The following ALMS1 variants were observed in gnomAD, a reference collection of about 807,000 sequenced individuals.
ALMS1 encodes ALMS1 centrosome and basal body associated protein.
Under a neutral mutation model 352.2 loss-of-function variants are expected in ALMS1, and 271 were observed. The ratio of observed to expected loss-of-function variants is 0.77; its 90% CI spans 0.70 to 0.85. The LOEUF (loss-of-function observed/expected upper bound fraction) is 0.85, where lower values mean the gene tolerates loss of function less well. Among genes scored for constraint, ALMS1 ranks in the 40% least tolerant of loss-of-function variants. The pLI is 0.00. For missense variants in ALMS1, 5,445 were observed against 4,870.7 expected (o/e 1.12, Z -3.51); for synonymous variants, 1,865 against 1,761.2 (o/e 1.06, Z -1.48).
intron 11 of ALMS1, among the ~76,000 whole-genome samples, chr2:73,531,576 A>G (rs560407364): frequency 9.2e-5 from 14 of 152,228 alleles, no homozygotes; most frequent in Middle Eastern, 3.4e-3. Context: ...GCCTGTTCCA[A>G]TCTCTGCCTG....
intron 9 of ALMS1, among the ~76,000 whole-genome samples, chr2:73,485,550 A>C (rs1023358264): frequency 2.6e-5 from 4 of 152,260 alleles, no homozygotes; most frequent in Admixed American, 2.0e-4. Flanking sequence ...CTTCCTCCAG[A>C]GATGTAGCCT....
In ALMS1 at chr2:73,455,187, A is replaced by C; in HGVS notation, c.7566A>C (p.Ala2522=). Residue 2522 remains alanine (A), a synonymous_variant, in exon 9 of 23, where the codon GCA becomes GCC. Transcript: ENST00000613296. The part of the protein sequence containing the change: ...AHAWNMKFNL[A]HDCGYSISEL... ...CCTGGAATATGAAGTTCAATTTAGC[A>C]CATGATTGTGGATACTCCATTTCAG... 2 of 1,613,300 alleles carry C rather than the reference A, an allele frequency of 1.2e-6. No individual in the cohort carries two copies. The highest frequency in any genetic ancestry group is 1.7e-6 in the Non-Finnish European group (2 of 1,179,730).
chr2:73,519,648 A>T (rs1386682950), intron 10 of ALMS1, 127 bp from the exon 11 acceptor site: 4 of 1,222,698 alleles, frequency 3.3e-6, no homozygotes, highest in Non-Finnish European at 4.6e-6. Context: ...ATAACGTTTG[A>T]CATTGATGTG....
At chr2:73,402,270 CTTTTTT>C (rs61360284) in intron 1 of ALMS1, among the ~76,000 whole-genome samples, 1 of 122,832 alleles carries the variant, frequency 8.1e-6, no homozygotes, top group Non-Finnish European at 1.7e-5. Context: ...TTCTCTCTCT[CTTTTTT>C]TTTTTTTTTT....
At chr2:73,529,377 G>A (rs543875143) in intron 11 of ALMS1, among the ~76,000 whole-genome samples, 1 of 152,110 alleles carries the variant, frequency 6.6e-6, no homozygotes, top group Non-Finnish European at 1.5e-5. Flanking sequence ...TGTCTGAAAG[G>A]TTCCACATCT....
At chr2:73,462,279 A>G (rs1466670492) in intron 9 of ALMS1, among the ~76,000 whole-genome samples, 1 of 152,202 alleles carries the variant, frequency 6.6e-6, no homozygotes, top group African/African-American at 2.4e-5. Context: ...CCTATAAGCC[A>G]GAAGAGAGTG....
chr2:73,549,511 A>T (rs961344460), intron 12 of ALMS1, among the ~76,000 whole-genome samples: 12 of 152,198 alleles, frequency 7.9e-5, no homozygotes, highest in African/African-American at 2.9e-4. Flanking sequence ...TCCTTAATGT[A>T]TTCTGCAATC....
intron 10 of ALMS1, among the ~76,000 whole-genome samples, chr2:73,506,405 C>T (rs1218158224): frequency 1.3e-5 from 2 of 152,144 alleles, no homozygotes; most frequent in East Asian, 1.9e-4. Context: ...AATATTGATT[C>T]TTCCTATCCA....
intron 1 of ALMS1, among the ~76,000 whole-genome samples, chr2:73,395,167 C>T (rs1193836516): frequency 1.3e-5 from 2 of 148,932 alleles, no homozygotes; most frequent in South Asian, 4.3e-4. Context: ...CTGCAACCAC[C>T]GCTTCCCAGG....
intron 3 of ALMS1, among the ~76,000 whole-genome samples, chr2:73,421,354 G>C (rs1404178588): frequency 6.6e-6 from 1 of 152,066 alleles, no homozygotes; most frequent in Non-Finnish European, 1.5e-5. Flanking sequence ...TAGTAAATTT[G>C]CTTTACTTGC....
Position 73,490,565 on chromosome 2 carries a change from A to G in ALMS1, c.8606A>G (p.Asn2869Ser), listed in dbSNP as rs1304375000. 6.2e-7 allele frequency: 1 copy of G among 1,614,076 alleles called. No homozygotes were observed. Among genetic ancestry groups the G allele is most frequent in the African/African-American group, 1.3e-5 (1 of 74,948 alleles). ...SSSRLGVKEK[N>S]VTITPDLPSC... Reference sequence around the variant, plus strand: ...TCCAGACTAGGAGTAAAAGAGAAGAATGTAACTATAACTCCAGATCTTCCT... The same window carrying G: ...TCCAGACTAGGAGTAAAAGAGAAGAGTGTAACTATAACTCCAGATCTTCCT... The change falls in exon 10 of 23, where the codon AAT becomes AGT. Residue 2869 changes from asparagine (N) to serine (S), a missense_variant. Asn to Ser is a conservative substitution (Grantham distance 46). Transcript: ENST00000613296.
At chr2:73,569,658 C>T (rs1416670938) in intron 15 of ALMS1, among the ~76,000 whole-genome samples, 1 of 152,154 alleles carries the variant, frequency 6.6e-6, no homozygotes, top group Non-Finnish European at 1.5e-5. Flanking sequence ...CCTTTGCTAC[C>T]TTACTTTCCT....
intron 9 of ALMS1, among the ~76,000 whole-genome samples, chr2:73,488,200 C>A (rs188128517): frequency 1.3e-5 from 2 of 152,172 alleles, no homozygotes; most frequent in Non-Finnish European, 1.5e-5. Flanking sequence ...TGTCAGGGGG[C>A]GCCTGCAGGC....
At chr2:73,530,588 G>C (rs767947624) in intron 11 of ALMS1, among the ~76,000 whole-genome samples, 24 of 152,224 alleles carry the variant, frequency 1.6e-4, no homozygotes, top group Non-Finnish European at 2.9e-4. Context: ...CTGAGGTCTA[G>C]AGGATGGTGG....
intron 15 of ALMS1, among the ~76,000 whole-genome samples, chr2:73,567,744 G>T (rs1481253027): frequency 1.3e-5 from 2 of 152,098 alleles, no homozygotes; most frequent in Non-Finnish European, 2.9e-5. Context: ...TCACCAAAAT[G>T]CAAGTATAAA....
rs143920847 is a variant in ALMS1, at chr2:73,455,778, C to G, written c.7674+483C>G. ...CTAGATATGTTGTTTTTATTGATTC[C>G]AAATTCATATTTTGAAAAATTTATC... On this transcript the variant is annotated intron_variant, in intron 9 of 22. Transcript: ENST00000613296. Among the ~76,000 whole-genome samples, 7 of 152,148 alleles carry G rather than the reference C, an allele frequency of 4.6e-5. No homozygotes were observed. The East Asian group carries it at 1.4e-3, about 29-fold the overall frequency.
chr2:73,519,733 C>G, intron 10 of ALMS1, 42 bp from the exon 11 acceptor site: 1 of 1,612,542 alleles, frequency 6.2e-7, no homozygotes, highest in South Asian at 1.1e-5. Flanking sequence ...TCTCTAATGG[C>G]CAAGGATATA....
intron 10 of ALMS1, among the ~76,000 whole-genome samples, chr2:73,497,189 G>A (rs1409628817): frequency 6.6e-6 from 1 of 152,030 alleles, no homozygotes; most frequent in African/African-American, 2.4e-5. Flanking sequence ...AGTCATTTGA[G>A]TCATTGTTTT....
At chr2:73,549,737 A>G (rs573204067) in intron 12 of ALMS1, among the ~76,000 whole-genome samples, 1 of 151,940 alleles carries the variant, frequency 6.6e-6, no homozygotes, top group Non-Finnish European at 1.5e-5. Context: ...CTTTTATATC[A>G]TTTGCATCTC....
Sources: allele counts gnomAD v4.1 joint callset (sites outside exome capture counted in the v4.1 genomes callset), GRCh38; gene constraint gnomAD v4.1.1; transcripts MANE v1.5; gene names NCBI Gene and HGNC (gene_info 2026-07-23, HGNC 2026-07-21).